The following IL1RAPL1 variants were observed in gnomAD, a reference collection of about 807,000 sequenced individuals.
The protein encoded by IL1RAPL1 is interleukin-1 receptor accessory protein-like 1.
Under a neutral mutation model 48.4 loss-of-function variants are expected in IL1RAPL1, and 3 were observed. That is an observed-to-expected ratio of 0.06 (90% CI 0.03 to 0.16). The LOEUF (loss-of-function observed/expected upper bound fraction) is 0.16. IL1RAPL1 is among the 10% of genes least tolerant of loss of function. The pLI is 1.00. For missense variants in IL1RAPL1, 349 were observed against 530.6 expected (o/e 0.66, Z 3.36); for synonymous variants, 185 against 187.7 (o/e 0.99, Z 0.12).
At chrX:29,600,756 G>T (rs938450217) in intron 5 of IL1RAPL1, among the ~76,000 whole-genome samples, 2 of 110,872 alleles carry the variant, frequency 1.8e-5, no homozygotes, top group Non-Finnish European at 3.8e-5. Flanking sequence ...TGCTGTGGGG[G>T]ATAGCGGTGT....
At chrX:29,660,652 G>A (rs1024619385) in intron 5 of IL1RAPL1, among the ~76,000 whole-genome samples, 4 of 111,468 alleles carry the variant, frequency 3.6e-5, no homozygotes, top group Admixed American at 1.9e-4. Context: ...AAGTGCATGG[G>A]TTTGCTTCTG....
At chrX:28,735,146 A>G (rs1004767525) in intron 1 of IL1RAPL1, among the ~76,000 whole-genome samples, 2 of 111,849 alleles carry the variant, frequency 1.8e-5, no homozygotes, top group African/African-American at 6.5e-5. Context: ...TAGAATTGGT[A>G]TAGCACTTAT....
chrX:28,729,493 T>G (rs1935726695), intron 1 of IL1RAPL1, among the ~76,000 whole-genome samples: 1 of 111,582 alleles, frequency 9.0e-6, no homozygotes, highest in Non-Finnish European at 1.9e-5. Flanking sequence ...TAAATGGATC[T>G]TAATAGTAAA....
chrX:29,954,969 A>C (rs1482667570), intron 10 of IL1RAPL1, 133 bp from the exon 11 acceptor site: 3 of 583,133 alleles, frequency 5.1e-6, no homozygotes, highest in Admixed American at 5.6e-5. Context: ...AATATTGCTG[A>C]CATTAGGAGA....
chrX:28,857,313 A>G (rs1569186999), intron 2 of IL1RAPL1, among the ~76,000 whole-genome samples: 1 of 112,359 alleles, frequency 8.9e-6, no homozygotes, highest in Admixed American at 9.5e-5. Flanking sequence ...GTCTGGATCT[A>G]GGTAAAATTA....
rs1271357019 is a variant in IL1RAPL1 at position 28,889,870 on chromosome X, A to G, written c.82+100445A>G. Among the ~76,000 whole-genome samples the G allele has an allele frequency of 8.1e-5, 9 of 110,958 alleles. No individual in the cohort carries two copies. In the East Asian group the frequency reaches 2.5e-3, roughly 31 times the overall value. On this transcript the variant is annotated intron_variant, in intron 2 of 10. Transcript: ENST00000378993. ...TGAAAGAAGCCTTTTGTCGGCATCT[A>G]TTATGCTACTTTCCCACCGTTATAA...
intron 2 of IL1RAPL1, among the ~76,000 whole-genome samples, chrX:28,798,178 C>A (rs1307987249): frequency 9.0e-6 from 1 of 111,061 alleles, no homozygotes; most frequent in Non-Finnish European, 1.9e-5. Flanking sequence ...CACAGCCAAA[C>A]CATATCAATG....
chrX:29,028,292 G>GTTTTTT (rs775964789), intron 2 of IL1RAPL1, among the ~76,000 whole-genome samples: 5 of 80,165 alleles, frequency 6.2e-5, no homozygotes, highest in African/African-American at 9.1e-5. Context: ...TTTTTTGTTT[G>GTTTTTT]TTTTTTTTTT....
intron 2 of IL1RAPL1, among the ~76,000 whole-genome samples, chrX:29,032,233 A>C (rs1435186154): frequency 8.9e-6 from 1 of 112,120 alleles, no homozygotes; most frequent in East Asian, 2.8e-4. Context: ...TGTAGTATGC[A>C]ACTTGAAAAA....
intron 2 of IL1RAPL1, among the ~76,000 whole-genome samples, chrX:28,844,720 CAAG>C (rs1246419573): frequency 9.0e-6 from 1 of 111,245 alleles, no homozygotes; most frequent in Admixed American, 9.6e-5. Flanking sequence ...ACATAAAAGA[CAAG>C]AATCTCTTTA....
chrX:29,784,419 T>C (rs1423059686), intron 6 of IL1RAPL1, among the ~76,000 whole-genome samples: 1 of 111,421 alleles, frequency 9.0e-6, no homozygotes, highest in African/African-American at 3.3e-5. Flanking sequence ...GACCATAGTA[T>C]GATGCATTCT....
At chrX:29,782,084 G>GTCTT (rs1221921882) in intron 6 of IL1RAPL1, among the ~76,000 whole-genome samples, 1 of 69,297 alleles carries the variant, frequency 1.4e-5, no homozygotes, top group African/African-American at 5.7e-5. Flanking sequence ...CTATCTGTCT[G>GTCTT]TCTGTCTGTC....
chrX:29,682,406 T>G (rs191401054), intron 6 of IL1RAPL1, among the ~76,000 whole-genome samples: 1 of 111,063 alleles, frequency 9.0e-6, no homozygotes, highest in Non-Finnish European at 1.9e-5. Flanking sequence ...AAATTTCCTC[T>G]CCTGCCTTTT....
At chrX:29,067,004 A>T (rs1927464567) in intron 2 of IL1RAPL1, among the ~76,000 whole-genome samples, 1 of 109,474 alleles carries the variant, frequency 9.1e-6, no homozygotes, top group Admixed American at 9.7e-5. Context: ...AACGCCACAG[A>T]CTCTCCTTGT....
intron 6 of IL1RAPL1, among the ~76,000 whole-genome samples, chrX:29,794,709 C>T (rs866198308): frequency 4.5e-5 from 5 of 111,788 alleles, no homozygotes; most frequent in Non-Finnish European, 9.4e-5. Context: ...ACAGAATCTT[C>T]CATTAAATCG....
chrX:28,920,342 G>A (rs772769206), intron 2 of IL1RAPL1, among the ~76,000 whole-genome samples: 3 of 111,466 alleles, frequency 2.7e-5, no homozygotes, highest in East Asian at 2.8e-4. Flanking sequence ...AATCTTCCTC[G>A]GTTGCCCCAA....
intron 3 of IL1RAPL1, among the ~76,000 whole-genome samples, chrX:29,334,902 C>A (rs1424600525): frequency 8.9e-6 from 1 of 112,916 alleles, no homozygotes; most frequent in Non-Finnish European, 1.9e-5. Flanking sequence ...GCAATCTCGG[C>A]ACTTTGGGGG....
At position 29,568,656 on chromosome X, in the gene IL1RAPL1, T is replaced by C. The variant is rs533098766; in HGVS notation, c.704-99774T>C. 2.5e-4 allele frequency among the ~76,000 whole-genome samples: 28 copies of C among 111,320 alleles called. No homozygotes were observed. In the South Asian group the frequency reaches 0.01, roughly 41 times the overall value. On this transcript the variant is annotated intron_variant, in intron 5 of 10. Transcript: ENST00000378993. ...GGCCTATTTATTTTGAATCAGGAAT[T>C]ATATAAAATATGGAGGACATTATTA...
At chrX:29,432,813 A>T (rs1309610280) in intron 5 of IL1RAPL1, among the ~76,000 whole-genome samples, 1 of 111,808 alleles carries the variant, frequency 8.9e-6, no homozygotes, top group Non-Finnish European at 1.9e-5. Flanking sequence ...TTCATGATGG[A>T]AATATTCCTA....
Sources: allele counts gnomAD v4.1 joint callset (sites outside exome capture counted in the v4.1 genomes callset), GRCh38; gene constraint gnomAD v4.1.1; transcripts MANE v1.5; gene names NCBI Gene and HGNC (gene_info 2026-07-23, HGNC 2026-07-21).